Variants in GRIK1 observed in about 807,000 individuals in gnomAD.
GRIK1 encodes the protein glutamate ionotropic receptor kainate type subunit 1.
GRIK1 carries 69 observed loss-of-function variants against 105.7 expected under a neutral mutation model. The observed-to-expected ratio is 0.65, with a 90% CI of 0.54 to 0.80. The LOEUF (loss-of-function observed/expected upper bound fraction) is 0.80, where lower values mean the gene tolerates loss of function less well. Among genes scored for constraint, GRIK1 ranks in the 30% least tolerant of loss-of-function variants. GRIK1 has a pLI of 0.00. For synonymous variants in GRIK1, 438 were observed against 431.3 expected (o/e 1.02, Z -0.19); for missense variants, 1,109 against 1,167.3 (o/e 0.95, Z 0.73).
chr21:29,805,122 T>C (rs1045498653), intron 1 of GRIK1, among the ~76,000 whole-genome samples: 5 of 152,082 alleles, frequency 3.3e-5, no homozygotes, highest in African/African-American at 9.7e-5. Flanking sequence ...ACTCTGAGTA[T>C]GAATGGGCAC....
chr21:29,609,780 C>T (rs2061694057), intron 7 of GRIK1, among the ~76,000 whole-genome samples: 1 of 152,124 alleles, frequency 6.6e-6, no homozygotes, highest in Non-Finnish European at 1.5e-5. Context: ...TTTTCTGGGT[C>T]TCCAGTTTGC....
At chr21:29,580,081 ATGTG>A (rs1224190624) in intron 13 of GRIK1, among the ~76,000 whole-genome samples, 3 of 145,294 alleles carry the variant, frequency 2.1e-5, no homozygotes, top group Non-Finnish European at 3.0e-5. Context: ...ATATATGTAT[ATGTG>A]TGTGTATATA....
chr21:29,912,161 A>G (rs1485297710), intron 1 of GRIK1, among the ~76,000 whole-genome samples: 2 of 152,128 alleles, frequency 1.3e-5, no homozygotes, highest in Non-Finnish European at 2.9e-5. Flanking sequence ...CATCTTGCAC[A>G]AGCACTGCCA....
chr21:29,728,436 A>G (rs981051156), intron 1 of GRIK1, among the ~76,000 whole-genome samples: 2 of 152,176 alleles, frequency 1.3e-5, no homozygotes, highest in Admixed American at 6.5e-5. Flanking sequence ...TAAGAATACA[A>G]TGGACTCAGT....
chr21:29,687,263 T>C (rs1568975156), intron 3 of GRIK1, among the ~76,000 whole-genome samples: 1 of 152,174 alleles, frequency 6.6e-6, no homozygotes, highest in Admixed American at 6.5e-5. Context: ...AAAGTGCTCT[T>C]TAATGGGTAC....
chr21:29,750,391 C>T (rs931156559), intron 1 of GRIK1, among the ~76,000 whole-genome samples: 4 of 152,150 alleles, frequency 2.6e-5, no homozygotes, highest in African/African-American at 9.7e-5. Flanking sequence ...GTAGAAACAT[C>T]ACCCTGAGCC....
At chr21:29,809,089 C>A (rs1654610266) in intron 1 of GRIK1, among the ~76,000 whole-genome samples, 1 of 152,080 alleles carries the variant, frequency 6.6e-6, no homozygotes, top group South Asian at 2.1e-4. Flanking sequence ...CCTTTCAATG[C>A]ACTTTACAGA....
chr21:29,752,641 C>T (rs1471920125), intron 1 of GRIK1, among the ~76,000 whole-genome samples: 3 of 151,824 alleles, frequency 2.0e-5, no homozygotes, highest in Admixed American at 2.0e-4. Context: ...GCCTGAGTAA[C>T]ATAGTGAGAC....
chr21:29,728,562 C>A (rs2064528542), intron 1 of GRIK1, among the ~76,000 whole-genome samples: 1 of 152,158 alleles, frequency 6.6e-6, no homozygotes, highest in Non-Finnish European at 1.5e-5. Context: ...TGCTATAAAT[C>A]ATTACATCAC....
In GRIK1 at chr21:29,614,516, C is replaced by T. The variant is rs375519637; in HGVS notation, c.1099-15579G>A. Among the ~76,000 whole-genome samples the T allele has an allele frequency of 2.7e-3, 382 of 143,154 alleles. 10 individuals carry two copies. Among genetic ancestry groups the T allele is most frequent in the African/African-American group, 0.01 (366 of 36,306 alleles). The allele number at this position is 143,154 out of a possible 152,430, so 93.9% of individuals were successfully genotyped here. A position where few individuals can be genotyped will look rare whatever the true frequency, so the allele number is the denominator to read the frequency against. On this transcript the variant is annotated intron_variant, in intron 7 of 17. Transcript: ENST00000327783. ...GCAACCTCTGCCTCCCGGGTTCAAG[C>T]GATTCTCTGGTCTCAGCCTCCCAAG...
chr21:29,922,905 A>C (rs1446975656), intron 1 of GRIK1, among the ~76,000 whole-genome samples: 4 of 152,188 alleles, frequency 2.6e-5, no homozygotes, highest in Non-Finnish European at 4.4e-5. Context: ...GTGGTGCATA[A>C]GACCAGACTG....
In GRIK1 at chr21:29,689,926, C is replaced by T. The variant is rs142436130; in HGVS notation, c.346G>A (p.Val116Ile). 4.7e-5 allele frequency: 73 copies of T among 1,567,848 alleles called. 1 individual carries two copies. The Middle Eastern group carries it at 1.0e-3, about 22-fold the overall frequency. Residue 116 changes from valine to isoleucine, a missense_variant, in exon 3 of 18, where the codon GTC (valine) becomes ATC (isoleucine). By Grantham distance (29) the Val-to-Ile change is conservative (BLOSUM62 3). This residue lies in a region of GRIK1 where 612 missense variants were observed against 586.0 expected (regional missense o/e 1.04). Coordinates refer to ENST00000327783, the MANE Select transcript of GRIK1 (RefSeq NM_001330994.2). ...TTGCAAATAGACTGCACAGCACTGA[C>T]GGAGGAGCTATGGGAAGGGCCAAAG... ...ALFGPSHSSSVSAVQSICNAL... is the reference protein window; with the variant it reads ...ALFGPSHSSSISAVQSICNAL...
At chr21:29,812,944 A>C (rs553345969) in intron 1 of GRIK1, among the ~76,000 whole-genome samples, 1 of 152,292 alleles carries the variant, frequency 6.6e-6, no homozygotes, top group African/African-American at 2.4e-5. Flanking sequence ...TTTAATGCTA[A>C]GAGAAAAAAT....
At chr21:29,632,194 AAGG>A (rs1347074439) in intron 7 of GRIK1, among the ~76,000 whole-genome samples, 1 of 152,116 alleles carries the variant, frequency 6.6e-6, no homozygotes, top group Non-Finnish European at 1.5e-5. Context: ...TTTCCCTCTT[AAGG>A]GCATTGTATG....
intron 1 of GRIK1, among the ~76,000 whole-genome samples, chr21:29,742,718 G>A (rs1042223406): frequency 3.9e-5 from 6 of 152,086 alleles, no homozygotes; most frequent in Admixed American, 1.3e-4. Context: ...ATTTACTCAC[G>A]GTTTCTTCTA....
At chr21:29,733,176 G>T (rs1421751859) in intron 1 of GRIK1, among the ~76,000 whole-genome samples, 1 of 152,028 alleles carries the variant, frequency 6.6e-6, no homozygotes, top group Non-Finnish European at 1.5e-5. Context: ...ACCATGGATG[G>T]TTTGTGTAAA....
At chr21:29,698,604 T>TC (rs1354445351) in intron 1 of GRIK1, among the ~76,000 whole-genome samples, 1 of 152,154 alleles carries the variant, frequency 6.6e-6, no homozygotes, top group African/African-American at 2.4e-5. Flanking sequence ...GTTAAACTAT[T>TC]TTTTTATCAT....
In GRIK1 at chr21:29,618,167, T is replaced by C. The variant is rs571278084; in HGVS notation, c.1099-19230A>G. ...GTTAGCATTCTTCCTAGGGTTCCCATAGTTTCCTGCAATTATCCCTATTAA... is the reference window on the plus strand; with the variant it reads ...GTTAGCATTCTTCCTAGGGTTCCCACAGTTTCCTGCAATTATCCCTATTAA... On this transcript the variant is annotated intron_variant, in intron 7 of 17. Coordinates refer to ENST00000327783, the MANE Select transcript of GRIK1 (RefSeq NM_001330994.2). 6.6e-5 allele frequency among the ~76,000 whole-genome samples: 10 copies of C among 152,334 alleles called. No homozygotes were observed. The South Asian group carries it at 8.3e-4, about 13-fold the overall frequency.
intron 16 of GRIK1, among the ~76,000 whole-genome samples, chr21:29,541,873 C>A (rs2089978588): frequency 6.6e-6 from 1 of 151,988 alleles, no homozygotes; most frequent in Non-Finnish European, 1.5e-5. Context: ...CAGTCCCCGG[C>A]AATTTAAAAA....
Sources: allele counts gnomAD v4.1 joint callset (sites outside exome capture counted in the v4.1 genomes callset), GRCh38; gene constraint gnomAD v4.1.1; regional missense constraint gnomAD v4.1.1; transcripts MANE v1.5; gene names NCBI Gene and HGNC (gene_info 2026-07-23, HGNC 2026-07-21).